CXCL14: variants seen among roughly 807,000 people sequenced by gnomAD.
CXCL14 encodes the protein C-X-C motif chemokine 14.
CXCL14 carries 9 observed loss-of-function variants against 16.1 expected under a neutral mutation model. The ratio of observed to expected loss-of-function variants is 0.56; its 90% confidence interval spans 0.34 to 0.97. CXCL14 has a LOEUF of 0.97. Ranked by LOEUF, CXCL14 falls within the 50% of genes least tolerant of loss-of-function variation. The probability of loss-of-function intolerance (pLI) is 0.02; values close to 1 mark genes in which losing one functional copy is unlikely to be tolerated. For missense variants in CXCL14, 111 were observed against 132.5 expected (o/e 0.84, Z 0.80); for synonymous variants, 55 against 52.8 (o/e 1.04, Z -0.18).
At chr5:135,572,712 A>G (rs1016666) in intron 3 of CXCL14, among the ~76,000 whole-genome samples, 50,795 of 152,132 alleles carry the variant, frequency 0.33, 9,344 homozygotes, top group African/African-American at 0.49. Context: ...TGTGGTGGCC[A>G]GAAGCTCCCT....
chr5:135,573,063 T>A (rs1751049819), intron 3 of CXCL14, among the ~76,000 whole-genome samples: 1 of 151,432 alleles, frequency 6.6e-6, no homozygotes, highest in South Asian at 2.1e-4. Flanking sequence ...CAGGGCCATG[T>A]TTAGACCTGT....
intron 3 of CXCL14, among the ~76,000 whole-genome samples, chr5:135,574,078 G>A (rs1751062737): frequency 1.3e-5 from 2 of 152,220 alleles, no homozygotes; most frequent in African/African-American, 4.8e-5. Flanking sequence ...GCAGCAGAGG[G>A]AGTGGGGCAC....
chr5:135,578,814 TG>T lies in CXCL14; in HGVS notation c.-37del. ...GGGGCGCGGCGTGGGAGCAGGGACATGGGGAGGGCGCTGGCCCGTCGGAGCG... is the reference window on the plus strand; with the variant it reads ...GGGGCGCGGCGTGGGAGCAGGGACATGGGAGGGCGCTGGCCCGTCGGAGCG... On this transcript the variant is annotated 5_prime_UTR_variant, in exon 1 of 4. Coordinates refer to ENST00000512158, the MANE Select transcript of CXCL14 (RefSeq NM_004887.5). The T allele has an allele frequency of 3.9e-6, 6 of 1,519,332 alleles. No individual in the cohort carries two copies. Among genetic ancestry groups the T allele is most frequent in the Non-Finnish European group, 5.3e-6 (6 of 1,137,978 alleles). The allele number at this position is 1,519,332 out of a possible 1,614,324, so 94.1% of individuals were successfully genotyped here. A position where few individuals can be genotyped will look rare whatever the true frequency, so the allele number is the denominator to read the frequency against.
chr5:135,573,542 G>A (rs1234872336), intron 3 of CXCL14, among the ~76,000 whole-genome samples: 1 of 152,136 alleles, frequency 6.6e-6, no homozygotes, highest in East Asian at 1.9e-4. Context: ...ACCCTGTGAG[G>A]GCAGCTGGTG....
chr5:135,574,647 T>C lies in CXCL14; in HGVS notation c.209A>G (p.Glu70Gly), dbSNP rs1751072122. The C allele has an allele frequency of 6.2e-7, 1 of 1,613,694 alleles. No homozygotes were observed. Among genetic ancestry groups the C allele is most frequent in the South Asian group, 1.1e-5 (1 of 91,038 alleles). Residue 70 changes from glutamate (E) to glycine (G), a missense_variant, in exon 3 of 4, where the codon GAG (glutamate) becomes GGG (glycine). By Grantham distance (98) the Glu-to-Gly change is moderately conservative (BLOSUM62 -2). Transcript: ENST00000512158. ...TKSVSRYRGQ[E>G]HCLHPKLQST... Reference sequence around the variant, plus strand: ...CTGCAGCTTGGGGTGCAGGCAGTGCTCCTGACCTCGGTACCTGGACACGCT... The same window carrying C: ...CTGCAGCTTGGGGTGCAGGCAGTGCCCCTGACCTCGGTACCTGGACACGCT...
chr5:135,574,516 C>T lies in CXCL14; in HGVS notation c.284+56G>A. On this transcript the variant is annotated intron_variant, in intron 3 of 3. Coordinates refer to ENST00000512158, the MANE Select transcript of CXCL14 (RefSeq NM_004887.5). ...ACCTGGTGGGGGGGTCCCTTCCCATCCTGAGAGCCACAGCTGGGTCTGGTG... is the reference window on the plus strand; with the variant it reads ...ACCTGGTGGGGGGGTCCCTTCCCATTCTGAGAGCCACAGCTGGGTCTGGTG... 3 of 1,475,596 alleles carry T rather than the reference C, an allele frequency of 2.0e-6. No homozygotes were observed. The South Asian group carries it at 3.5e-5, about 17-fold the overall frequency. 91.4% of individuals were successfully genotyped at this position (1,475,596 alleles called of 1,614,324 possible).
chr5:135,575,093 G>A (rs1397672458), intron 2 of CXCL14, among the ~76,000 whole-genome samples: 5 of 152,182 alleles, frequency 3.3e-5, no homozygotes, highest in Admixed American at 6.5e-5. Context: ...CCAGCAAGGT[G>A]CACATGCCAA....
Position 135,578,708 on chromosome 5 carries a change from C to T in CXCL14, c.64+7G>A. On this transcript the variant is annotated splice_region_variant and intron_variant, in intron 1 of 3. Coordinates refer to ENST00000512158, the MANE Select transcript of CXCL14 (RefSeq NM_004887.5). ...AGACGGCGACAAGGGGAGCTCCCCG[C>T]ACTCACCGTCCACACGCGCGGTGTA... The T allele has an allele frequency of 6.4e-7, 1 of 1,551,648 alleles. No individual in the cohort carries two copies. Among genetic ancestry groups the T allele is most frequent in the South Asian group, 1.2e-5 (1 of 84,306 alleles).
At chr5:135,576,928 T>G (rs1289202263) in intron 2 of CXCL14, among the ~76,000 whole-genome samples, 4 of 151,614 alleles carry the variant, frequency 2.6e-5, no homozygotes, top group Non-Finnish European at 5.9e-5. Context: ...AGGGATGGAG[T>G]GGGAGGCCCT....
In CXCL14 at chr5:135,578,466, T is replaced by C; in HGVS notation, c.138A>G (p.Pro46=). Residue 46 remains proline (P), a synonymous_variant, in exon 2 of 4, where the codon CCA becomes CCG. Transcript: ENST00000512158. The part of the protein sequence containing the change: ...YSDVKKLEMK[P]KYPHCEEKMV... ...TCTTCTCCTCGCAGTGCGGGTACTT[T>C]GGCTTCATTTCCAGCTTCTTCACGT... 1 of 1,614,192 alleles carries C rather than the reference T, an allele frequency of 6.2e-7. No homozygotes were observed. The highest frequency in any genetic ancestry group is 1.7e-5 in the Admixed American group (1 of 60,034).
At chr5:135,576,413 A>T (rs1751099849) in intron 2 of CXCL14, among the ~76,000 whole-genome samples, 1 of 152,240 alleles carries the variant, frequency 6.6e-6, no homozygotes, top group Admixed American at 6.5e-5. Flanking sequence ...CAGGCTGTGC[A>T]TCCCAAATCC....
At chr5:135,578,353 GC>G in intron 2 of CXCL14, 80 bp downstream of exon 2, 1 of 1,221,196 alleles carries the variant, frequency 8.2e-7, no homozygotes. Context: ...ATGTTTGTTA[GC>G]CCGACCCAGG....
intron 2 of CXCL14, among the ~76,000 whole-genome samples, chr5:135,576,594 T>A (rs1205706989): frequency 6.6e-6 from 1 of 152,162 alleles, no homozygotes. Context: ...TGTGACCCTC[T>A]CCTCCACAGT....
chr5:135,574,542 GGA>G, intron 3 of CXCL14, 28 bp downstream of exon 3: 2 of 1,586,948 alleles, frequency 1.3e-6, no homozygotes, highest in Non-Finnish European at 1.7e-6. Flanking sequence ...GGGTCTGGTG[GGA>G]AGGAAGGTGA....
rs980731970 is a variant in CXCL14, at chr5:135,578,765, G to T, written c.14C>A (p.Ala5Glu). ...CAGCAGCAGCAGGAGCAGCGCGGCC[G>T]CCAGGAGCCTCATGCTGACCGGAGG... MRLL[A>E]AALLLLLLAL... The change falls in exon 1 of 4, where the codon GCG (alanine) becomes GAG (glutamate). Residue 5 changes from alanine to glutamate, a missense_variant. Ala to Glu is a moderately radical substitution (Grantham distance 107). Coordinates refer to ENST00000512158, the MANE Select transcript of CXCL14 (RefSeq NM_004887.5). 1 of 1,545,632 alleles carries T rather than the reference G, an allele frequency of 6.5e-7. No homozygotes were observed. The highest frequency in any genetic ancestry group is 8.7e-7 in the Non-Finnish European group (1 of 1,145,712).
rs3057739 is a variant in CXCL14, at chr5:135,573,709, C to CGTGTGTGT, written c.284+855_284+862dup. 2.3e-3 allele frequency among the ~76,000 whole-genome samples: 336 copies of CGTGTGTGT among 145,508 alleles called. 1 individual carries two copies. Among genetic ancestry groups the CGTGTGTGT allele is most frequent in the African/African-American group, 8.0e-3 (316 of 39,600 alleles). On this transcript the variant is annotated intron_variant, in intron 3 of 3. Transcript: ENST00000512158. ...CACCTGCATGGTGTGTGCATGCATG[C>CGTGTGTGT]GTGTGTGTGTGTGTGTGTGTGTGTG...
chr5:135,574,827 G>A (rs1325064010), intron 2 of CXCL14, 142 bp from the exon 3 acceptor site: 1 of 676,538 alleles, frequency 1.5e-6, no homozygotes, highest in Non-Finnish European at 2.6e-6. Context: ...GCCGACTTGT[G>A]TGCTCACTTC....
At chr5:135,574,474 T>C (rs1751068797) in intron 3 of CXCL14, 98 bp downstream of exon 3, 1 of 862,994 alleles carries the variant, frequency 1.2e-6, no homozygotes, top group South Asian at 1.5e-5. Context: ...TGTTCACATA[T>C]TAGATGGGGC....
At chr5:135,571,970 GC>G in intron 3 of CXCL14, 102 bp from the exon 4 acceptor site, 1 of 1,202,444 alleles carries the variant, frequency 8.3e-7, no homozygotes, top group Non-Finnish European at 1.2e-6. Flanking sequence ...TGCAGGGAAT[GC>G]CCCTGTCCCA....
Sources: gnomAD v4.1 joint callset for allele counts (sites outside exome capture counted in the v4.1 genomes callset) on GRCh38, gnomAD v4.1.1 for gene constraint, MANE v1.5 for transcripts, NCBI Gene and HGNC (gene_info 2026-07-23, HGNC 2026-07-21) for gene names.